The following FAXC variants were observed in gnomAD, a reference collection of about 807,000 sequenced individuals.
FAXC encodes the protein failed axon connections homolog.
A neutral mutation model predicts 41.9 loss-of-function variants in FAXC; 10 were observed. The observed-to-expected ratio is 0.24, with a 90% CI of 0.15 to 0.41. The LOEUF (loss-of-function observed/expected upper bound fraction) is 0.41. FAXC is among the 10% of genes least tolerant of loss of function. The probability of loss-of-function intolerance (pLI) is 1.00; values close to 1 mark genes in which losing one functional copy is unlikely to be tolerated. For missense variants in FAXC, 399 were observed against 510.9 expected (o/e 0.78, Z 2.11); for synonymous variants, 183 against 183.8 (o/e 1.00, Z 0.03).
rs1770732656 is a variant in FAXC, at chr6:99,279,140, TAG to T, written c.*2022_*2023del. 1 of 152,162 alleles carries T rather than the reference TAG, an allele frequency of 6.6e-6. No individual in the cohort carries two copies. Among genetic ancestry groups the T allele is most frequent in the African/African-American group, 2.4e-5 (1 of 41,414 alleles). The allele number at this position is 152,162 out of a possible 1,614,324, so 9.4% of individuals were successfully genotyped here. A position where few individuals can be genotyped will look rare whatever the true frequency, so the allele number is the denominator to read the frequency against. On this transcript the variant is annotated 3_prime_UTR_variant, in exon 6 of 6. Coordinates refer to ENST00000389677, the MANE Select transcript of FAXC (RefSeq NM_032511.4). ...CCAGTTGGCCTTAAAACACACTTGC[TAG>T]AGAGAGGGGAGGCAAACAGTCCTCC... is the stretch of plus-strand genomic sequence containing the variant.
chr6:99,311,907 T>G (rs1772171940), intron 4 of FAXC, among the ~76,000 whole-genome samples: 1 of 152,224 alleles, frequency 6.6e-6, no homozygotes, highest in Admixed American at 6.5e-5. Context: ...CATTAGCCAC[T>G]TTTAAGTATT....
chr6:99,293,403 A>G (rs921164621), intron 4 of FAXC, among the ~76,000 whole-genome samples: 32 of 152,060 alleles, frequency 2.1e-4, no homozygotes, highest in African/African-American at 6.8e-4. Flanking sequence ...AATTCTATCC[A>G]TCCGTCAAGG....
chr6:99,271,788 G>T lies in FAXC; in HGVS notation c.*9376C>A, dbSNP rs1314712877. 4 of 152,138 alleles carry T rather than the reference G, an allele frequency of 2.6e-5. No individual in the cohort carries two copies. In the East Asian group the frequency reaches 7.7e-4, roughly 29 times the overall value. The allele number at this position is 152,138 out of a possible 1,614,324, so 9.4% of individuals were successfully genotyped here. On this transcript the variant is annotated 3_prime_UTR_variant, in exon 6 of 6. Transcript: ENST00000389677. ...AGGGTTAGAATTTTGAATGTTACCT[G>T]ATTGTAATTTGCTCTAAATGGTAAA... is the stretch of plus-strand genomic sequence containing the variant.
chr6:99,338,650 G>A (rs762692002), intron 2 of FAXC, among the ~76,000 whole-genome samples: 1 of 152,206 alleles, frequency 6.6e-6, no homozygotes, highest in Non-Finnish European at 1.5e-5. Flanking sequence ...TGATGGAATA[G>A]AGACAGGTAG....
intron 4 of FAXC, 121 bp from the exon 5 acceptor site, chr6:99,291,941 GA>G (rs1300083292): frequency 9.3e-6 from 7 of 751,220 alleles, no homozygotes; most frequent in Non-Finnish European, 1.7e-5. Flanking sequence ...TTGCAGAATC[GA>G]AATACATGCA....
intron 3 of FAXC, among the ~76,000 whole-genome samples, chr6:99,326,664 A>G (rs1772815789): frequency 6.6e-6 from 1 of 152,106 alleles, no homozygotes; most frequent in Non-Finnish European, 1.5e-5. Flanking sequence ...AAGTCTCTAG[A>G]GTGTTGAGGA....
intron 4 of FAXC, among the ~76,000 whole-genome samples, chr6:99,313,377 TTA>T (rs1354837054): frequency 6.6e-6 from 1 of 152,234 alleles, no homozygotes; most frequent in Non-Finnish European, 1.5e-5. Flanking sequence ...AATTACCTCT[TTA>T]TATGTCTTCT....
intron 3 of FAXC, among the ~76,000 whole-genome samples, chr6:99,329,349 C>T (rs1260226601): frequency 1.3e-5 from 2 of 152,056 alleles, no homozygotes; most frequent in African/African-American, 4.8e-5. Flanking sequence ...GAAGCTGACC[C>T]CTGGTATTTT....
At chr6:99,336,026 A>T (rs1419834898) in intron 2 of FAXC, among the ~76,000 whole-genome samples, 1 of 152,144 alleles carries the variant, frequency 6.6e-6, no homozygotes, top group African/African-American at 2.4e-5. Context: ...GATGCCGGTG[A>T]TCTTTTTTTC....
rs538862195 is a variant in FAXC, at chr6:99,315,646, G to A, written c.823+7798C>T. Among the ~76,000 whole-genome samples the A allele has an allele frequency of 6.6e-5, 10 of 152,224 alleles. No individual in the cohort carries two copies. In the South Asian group the frequency reaches 1.7e-3, roughly 25 times the overall value. Reference sequence around the variant, plus strand: ...CAGAAAAGTGGCTGAAAATAACATCGCAGTTTCCACTTGCACAGCCCATTA... The same window carrying A: ...CAGAAAAGTGGCTGAAAATAACATCACAGTTTCCACTTGCACAGCCCATTA... On this transcript the variant is annotated intron_variant, in intron 4 of 5. Transcript: ENST00000389677.
chr6:99,291,656 A>T (rs1386859957), intron 5 of FAXC, 48 bp downstream of exon 5: 1 of 1,355,938 alleles, frequency 7.4e-7, no homozygotes, highest in Non-Finnish European at 1.1e-6. Flanking sequence ...CCCACTGCCC[A>T]CCCAGCCCCA....
At chr6:99,323,409 T>G (rs754055785) in intron 4 of FAXC, 35 bp downstream of exon 4, 8 of 1,552,360 alleles carry the variant, frequency 5.2e-6, no homozygotes, top group Non-Finnish European at 7.1e-6. Flanking sequence ...AAGGAAAGAA[T>G]AGCAAATATA....
In FAXC at chr6:99,315,927, T is replaced by C. The variant is rs192146303; in HGVS notation, c.823+7517A>G. Among the ~76,000 whole-genome samples the C allele has an allele frequency of 8.1e-4, 123 of 152,306 alleles. 2 individuals carry two copies. The highest frequency in any genetic ancestry group is 4.0e-4 in the Non-Finnish European group (27 of 68,034). ...GACTGTATCTCCCAAACCAACTCTATTTACCAATTATTCATCTACTTTTCC... is the reference window on the plus strand; with the variant it reads ...GACTGTATCTCCCAAACCAACTCTACTTACCAATTATTCATCTACTTTTCC... On this transcript the variant is annotated intron_variant, in intron 4 of 5. Coordinates refer to ENST00000389677, the MANE Select transcript of FAXC (RefSeq NM_032511.4).
At chr6:99,312,578 A>T (rs1220085984) in intron 4 of FAXC, among the ~76,000 whole-genome samples, 2 of 152,224 alleles carry the variant, frequency 1.3e-5, no homozygotes, top group African/African-American at 4.8e-5. Flanking sequence ...AGTTGACAAC[A>T]TAAGGGAGAA....
At position 99,349,580 on chromosome 6, in the gene FAXC, CG is replaced by C; in HGVS notation, c.-209del. 5.3e-6 allele frequency: 1 copy of C among 189,360 alleles called. No homozygotes were observed. The highest frequency in any genetic ancestry group is 9.8e-6 in the Non-Finnish European group (1 of 101,566). 11.7% of individuals were successfully genotyped at this position (189,360 alleles called of 1,614,324 possible). A position where few individuals can be genotyped will look rare whatever the true frequency, so the allele number is the denominator to read the frequency against. On this transcript the variant is annotated 5_prime_UTR_variant, in exon 1 of 6. Coordinates refer to ENST00000389677, the MANE Select transcript of FAXC (RefSeq NM_032511.4). Reference sequence around the variant, plus strand: ...GGCCGCGGACGGCGGGCCTGGCCGGCGGGGCCCCAGAGCCCTGGGCGGCAGC... The same window carrying C: ...GGCCGCGGACGGCGGGCCTGGCCGGCGGGCCCCAGAGCCCTGGGCGGCAGC...
At chr6:99,336,739 A>AG (rs1773229781) in intron 2 of FAXC, among the ~76,000 whole-genome samples, 1 of 152,134 alleles carries the variant, frequency 6.6e-6, no homozygotes. Context: ...CAGTGTCCTC[A>AG]TCTGTAGAGT....
chr6:99,317,043 G>A (rs2128458201), intron 4 of FAXC, among the ~76,000 whole-genome samples: 1 of 152,204 alleles, frequency 6.6e-6, no homozygotes, highest in South Asian at 2.1e-4. Flanking sequence ...AAAATGTGTT[G>A]ATCCAATGTC....
At chr6:99,316,841 C>A (rs1251966440) in intron 4 of FAXC, among the ~76,000 whole-genome samples, 7 of 152,230 alleles carry the variant, frequency 4.6e-5, no homozygotes, top group African/African-American at 1.7e-4. Flanking sequence ...TTTTATTCTA[C>A]AGCAAAATTC....
chr6:99,283,456 T>C (rs1770908195), intron 5 of FAXC, among the ~76,000 whole-genome samples: 1 of 152,252 alleles, frequency 6.6e-6, no homozygotes, highest in Non-Finnish European at 1.5e-5. Context: ...ATCCCCCTGC[T>C]TCATGGATCC....
Sources: allele counts gnomAD v4.1 joint callset (sites outside exome capture counted in the v4.1 genomes callset), GRCh38; gene constraint gnomAD v4.1.1; transcripts MANE v1.5; gene names NCBI Gene and HGNC (gene_info 2026-07-23, HGNC 2026-07-21).